Variants in TEX2 observed in about 807,000 individuals in gnomAD.
The protein encoded by TEX2 is testis expressed 2, also known as testis-expressed protein 2.
A neutral mutation model predicts 106.9 loss-of-function variants in TEX2; 53 were observed. That is an observed-to-expected ratio of 0.50 (90% confidence interval 0.40 to 0.62). The LOEUF (loss-of-function observed/expected upper bound fraction) is 0.62, where lower values mean the gene tolerates loss of function less well. TEX2 is among the 20% of genes least tolerant of loss of function. TEX2 has a pLI of 0.00. For missense variants in TEX2, 1,207 were observed against 1,379.0 expected, an observed-to-expected ratio of 0.88 and a Z score of 1.98; for synonymous variants, 523 against 534.8, an observed-to-expected ratio of 0.98 and a Z score of 0.30.
chr17:64,185,427 G>T lies in TEX2; in HGVS notation c.2424+2741C>A, dbSNP rs114674063. 4.0e-3 allele frequency among the ~76,000 whole-genome samples: 605 copies of T among 152,160 alleles called. 6 individuals are homozygous for T. Among genetic ancestry groups the T allele is most frequent in the African/African-American group, 0.014 (574 of 41,486 alleles). Reference sequence around the variant, plus strand: ...TTCCTGATGTACCCATGCTGGAAGTGGTACCATTGCACTTTCAGACATTTT... The same window carrying T: ...TTCCTGATGTACCCATGCTGGAAGTTGTACCATTGCACTTTCAGACATTTT... On this transcript the variant is annotated intron_variant, in intron 5 of 11. Transcript: ENST00000584379. The surrounding 1 kb of genome is among the most constrained non-coding windows in gnomAD (Gnocchi z 4.0).
rs1354959675 is a variant in TEX2 at position 64,195,757 on chromosome 17, A to G, written c.1645-662T>C. Among the ~76,000 whole-genome samples, 1 of 152,262 alleles carries G rather than the reference A, an allele frequency of 6.6e-6. No individual in the cohort carries two copies. Among genetic ancestry groups the G allele is most frequent in the Non-Finnish European group, 1.5e-5 (1 of 68,046 alleles). ...TTGGACATAAATGATTTTGTGTTAC[A>G]TATCTTGATTTTTTAAAAGAGCCAA... On this transcript the variant is annotated intron_variant, in intron 2 of 11. Transcript: ENST00000584379. The surrounding 1 kb of genome is among the most constrained non-coding windows in gnomAD (Gnocchi z 4.1).
intron 1 of TEX2, among the ~76,000 whole-genome samples, chr17:64,250,801 C>T (rs1462091757): frequency 1.3e-5 from 2 of 152,172 alleles, no homozygotes; most frequent in African/African-American, 4.8e-5. Flanking sequence ...CCCACCTCAG[C>T]CTCCTAAGTA....
rs904093572 is a variant in TEX2, at chr17:64,217,979, G to A, written c.-25-3737C>T. Among the ~76,000 whole-genome samples, 1 of 152,216 alleles carries A rather than the reference G, an allele frequency of 6.6e-6. No homozygotes were observed. The highest frequency in any genetic ancestry group is 1.5e-5 in the Non-Finnish European group (1 of 68,046). On this transcript the variant is annotated intron_variant, in intron 1 of 11. Transcript: ENST00000584379. This position sits in a 1 kb window ranked among gnomAD's most constrained non-coding sequence, Gnocchi z 4.3. The stretch of plus-strand genomic sequence containing the variant: ...CGTCCCAGAATGGATGAGGGTGGCA[G>A]AGGCAACATGGAAAAACAGGTCTGG...
intron 5 of TEX2, among the ~76,000 whole-genome samples, chr17:64,180,436 A>G (rs989752978): frequency 6.6e-6 from 1 of 152,200 alleles, no homozygotes; most frequent in African/African-American, 2.4e-5. Flanking sequence ...CCTTTTTCCA[A>G]AATAAGCTTC....
At chr17:64,222,348 T>C (rs1057148295) in intron 1 of TEX2, among the ~76,000 whole-genome samples, 5 of 151,698 alleles carry the variant, frequency 3.3e-5, no homozygotes, top group African/African-American at 7.3e-5. Flanking sequence ...GTGAAACCCG[T>C]CTCTACTAAA....
chr17:64,246,003 C>G (rs1434516615), intron 1 of TEX2, among the ~76,000 whole-genome samples: 1 of 152,168 alleles, frequency 6.6e-6, no homozygotes, highest in Non-Finnish European at 1.5e-5. Flanking sequence ...CAGAGTCTCC[C>G]AGATCATACG....
chr17:64,191,817 CAAA>C (rs58376086), intron 4 of TEX2, among the ~76,000 whole-genome samples: 24 of 119,910 alleles, frequency 2.0e-4, no homozygotes, highest in African/African-American at 8.0e-4. Context: ...GACTCCATCT[CAAA>C]AAAAAAAAAA....
intron 1 of TEX2, among the ~76,000 whole-genome samples, chr17:64,218,081 G>GA (rs1385444270): frequency 1.3e-5 from 2 of 151,908 alleles, no homozygotes; most frequent in Non-Finnish European, 2.9e-5. Flanking sequence ...TGAATACATT[G>GA]AAAAAAAATT....
intron 2 of TEX2, among the ~76,000 whole-genome samples, chr17:64,204,628 G>C (rs931644404): frequency 6.6e-6 from 1 of 152,174 alleles, no homozygotes; most frequent in Admixed American, 6.5e-5. Flanking sequence ...TGAAAACAGT[G>C]AGTCAACAAC....
At chr17:64,151,341 C>G (rs1284670301) in intron 10 of TEX2, among the ~76,000 whole-genome samples, 1 of 152,108 alleles carries the variant, frequency 6.6e-6, no homozygotes, top group Non-Finnish European at 1.5e-5. Context: ...GCAGATAAAG[C>G]AGAGAGTGAA....
At chr17:64,158,087 C>T (rs528088551) in intron 8 of TEX2, among the ~76,000 whole-genome samples, 79 of 152,218 alleles carry the variant, frequency 5.2e-4, no homozygotes, top group African/African-American at 1.8e-3. Context: ...CTGCAGTGTG[C>T]GACAAAAGGA....
In TEX2 at chr17:64,154,849, C is replaced by A. The variant is rs757161133; in HGVS notation, c.2923G>T (p.Ala975Ser). 6.2e-7 allele frequency: 1 copy of A among 1,602,972 alleles called. No individual in the cohort carries two copies. Among genetic ancestry groups the A allele is most frequent in the Admixed American group, 1.7e-5 (1 of 58,716 alleles). The change falls in exon 9 of 12, where the codon GCT becomes TCT. Residue 975 changes from alanine to serine, a missense_variant. By Grantham distance (99) the Ala-to-Ser change is moderately conservative. Coordinates refer to ENST00000584379, the MANE Select transcript of TEX2 (RefSeq NM_001288732.2). The stretch of plus-strand genomic sequence containing the variant: ...AAGCACTGATCCACTCACCCTTCAG[C>A]CCCTGGGAGGAGCTGTTTGTCTCCC... ...SGGDKQLLPGAEGYVGGHRTS... is the reference protein window; with the variant it reads ...SGGDKQLLPGSEGYVGGHRTS...
At chr17:64,179,794 A>G (rs965247415) in intron 5 of TEX2, among the ~76,000 whole-genome samples, 2 of 152,160 alleles carry the variant, frequency 1.3e-5, no homozygotes, top group South Asian at 4.1e-4. Context: ...TTTAAAAAAG[A>G]AAGCATGCTG....
chr17:64,171,051 C>T (rs748794612), intron 7 of TEX2, 49 bp downstream of exon 7: 9 of 1,456,106 alleles, frequency 6.2e-6, no homozygotes, highest in Non-Finnish European at 6.7e-6. Flanking sequence ...ACTGAATCTG[C>T]AGCAAAGGAT....
intron 1 of TEX2, among the ~76,000 whole-genome samples, chr17:64,257,757 C>T (rs782655462): frequency 6.6e-6 from 1 of 152,110 alleles, no homozygotes; most frequent in Non-Finnish European, 1.5e-5. Flanking sequence ...AATTTGGATA[C>T]GCCAAAGTGA....
At chr17:64,156,855 A>G (rs1346511906) in intron 8 of TEX2, among the ~76,000 whole-genome samples, 1 of 152,216 alleles carries the variant, frequency 6.6e-6, no homozygotes, top group African/African-American at 2.4e-5. Flanking sequence ...TTGTGTCCCC[A>G]CTGGGCCATA....
chr17:64,205,185 T>C lies in TEX2; in HGVS notation c.1644+7389A>G, dbSNP rs1341134408. 2.6e-5 allele frequency among the ~76,000 whole-genome samples: 4 copies of C among 152,128 alleles called. No individual in the cohort carries two copies. Among genetic ancestry groups the C allele is most frequent in the African/African-American group, 9.7e-5 (4 of 41,424 alleles). Reference sequence around the variant, plus strand: ...CTCACTGATTAGCCGTGCATGGTGATGCGCACATGTAATCCCAGCAACTCT... The same window carrying C: ...CTCACTGATTAGCCGTGCATGGTGACGCGCACATGTAATCCCAGCAACTCT... On this transcript the variant is annotated intron_variant, in intron 2 of 11. Transcript: ENST00000584379. The surrounding 1 kb of genome is among the most constrained non-coding windows in gnomAD (Gnocchi z 4.0).
At chr17:64,211,996 C>T (rs1389666809) in intron 2 of TEX2, among the ~76,000 whole-genome samples, 1 of 152,202 alleles carries the variant, frequency 6.6e-6, no homozygotes, top group Non-Finnish European at 1.5e-5. Flanking sequence ...ACAGATTAGA[C>T]AGCTAGATGA....
At chr17:64,159,786 T>TA (rs2143651181) in intron 8 of TEX2, among the ~76,000 whole-genome samples, 1 of 152,302 alleles carries the variant, frequency 6.6e-6, no homozygotes, top group East Asian at 1.9e-4. Context: ...ACCGGTTAGA[T>TA]TGCATATAGC....
Sources: allele counts gnomAD v4.1 joint callset (sites outside exome capture counted in the v4.1 genomes callset), GRCh38; gene constraint gnomAD v4.1.1; non-coding constraint Gnocchi (gnomAD v3.1); transcripts MANE v1.5; gene names NCBI Gene and HGNC (gene_info 2026-07-23, HGNC 2026-07-21).